The following CORO7 variants were observed in gnomAD, a reference collection of about 807,000 sequenced individuals.
The protein encoded by CORO7 is coronin-7.
Under a neutral mutation model 126.6 loss-of-function variants are expected in CORO7, and 107 were observed. That is an observed-to-expected ratio of 0.85 (90% confidence interval 0.72 to 0.99). The LOEUF (loss-of-function observed/expected upper bound fraction) is 0.99. Ranked by LOEUF, CORO7 falls within the 50% of genes least tolerant of loss-of-function variation. The probability of loss-of-function intolerance (pLI) is 0.00; values close to 1 mark genes in which losing one functional copy is unlikely to be tolerated. For missense variants in CORO7, 1,314 were observed against 1,255.8 expected, an observed-to-expected ratio of 1.05 and a Z score of -0.70; for synonymous variants, 603 against 536.8, an observed-to-expected ratio of 1.12 and a Z score of -1.70.
intron 10 of CORO7, 66 bp downstream of exon 10, chr16:4,365,425 T>C (rs1370840600): frequency 6.5e-6 from 10 of 1,547,066 alleles, no homozygotes; most frequent in South Asian, 2.4e-5. Flanking sequence ...CTCCTCTCTC[T>C]TGGGGAAGGC....
chr16:4,381,541 G>T, intron 9 of CORO7: 1 of 1,604,846 alleles, frequency 6.2e-7, no homozygotes, highest in Admixed American at 1.7e-5. Context: ...CCACGACCTG[G>T]ATGTGTCCGA....
At chr16:4,406,950 T>C (rs2056021420) in intron 5 of CORO7, among the ~76,000 whole-genome samples, 1 of 140,096 alleles carries the variant, frequency 7.1e-6, no homozygotes, top group Non-Finnish European at 1.5e-5. Flanking sequence ...AAGTTATTTT[T>C]TATTTTTATT....
intron 9 of CORO7, among the ~76,000 whole-genome samples, chr16:4,377,685 A>T (rs1053112700): frequency 2.0e-5 from 3 of 152,140 alleles, no homozygotes; most frequent in Non-Finnish European, 2.9e-5. Context: ...TCTCAGTGCC[A>T]GGAGTCCCTG....
intron 7 of CORO7, among the ~76,000 whole-genome samples, chr16:4,391,495 G>A (rs527965645): frequency 3.3e-5 from 5 of 152,272 alleles, no homozygotes; most frequent in South Asian, 2.1e-4. Context: ...GGTGGAGCTC[G>A]CAGTGAGCCG....
chr16:4,365,167 C>G (rs1287423172), intron 10 of CORO7, 107 bp from the exon 11 acceptor site: 1 of 1,489,422 alleles, frequency 6.7e-7, no homozygotes, highest in Admixed American at 2.0e-5. Flanking sequence ...GCCACAGAAC[C>G]ACAGTGGCTG....
intron 9 of CORO7, among the ~76,000 whole-genome samples, chr16:4,366,038 C>T (rs2054335865): frequency 6.6e-6 from 1 of 152,190 alleles, no homozygotes; most frequent in Admixed American, 6.5e-5. Flanking sequence ...GGTTTGGGGC[C>T]CTCTACTCAG....
At chr16:4,391,624 G>C (rs2055393517) in intron 7 of CORO7, among the ~76,000 whole-genome samples, 1 of 152,236 alleles carries the variant, frequency 6.6e-6, no homozygotes, top group South Asian at 2.1e-4. Flanking sequence ...CCAGCTACCA[G>C]GGAGGCTGAC....
intron 9 of CORO7, chr16:4,382,335 G>A: frequency 6.2e-7 from 1 of 1,611,462 alleles, no homozygotes. Flanking sequence ...ACCTCCAGGG[G>A]AGCTCCGTGC....
At chr16:4,407,908 G>A (rs2056065851) in intron 4 of CORO7, among the ~76,000 whole-genome samples, 2 of 152,188 alleles carry the variant, frequency 1.3e-5, no homozygotes, top group Non-Finnish European at 1.5e-5. Flanking sequence ...AGACCACACG[G>A]TGTGGTCCCA....
At chr16:4,383,104 G>C in intron 9 of CORO7, 1 of 597,010 alleles carries the variant, frequency 1.7e-6, no homozygotes, top group Non-Finnish European at 2.8e-6. Context: ...GAGCCCTAAC[G>C]TCCCCAGAAC....
intron 1 of CORO7, 72 bp from the exon 2 acceptor site, chr16:4,413,476 G>C (rs1321970297): frequency 7.0e-7 from 1 of 1,421,504 alleles, no homozygotes; most frequent in Non-Finnish European, 9.6e-7. Context: ...AAAGCAAGAG[G>C]TGGGGCATAA....
At chr16:4,357,299 G>T (rs181763352) in intron 25 of CORO7, 40 bp from the exon 26 acceptor site, 2 of 1,551,352 alleles carry the variant, frequency 1.3e-6, no homozygotes, top group South Asian at 1.2e-5. Context: ...AGTCCCCTTC[G>T]TTAGGGCTCT....
At chr16:4,415,900 A>G (rs963126908) in intron 1 of CORO7, 2 of 985,772 alleles carry the variant, frequency 2.0e-6, no homozygotes, top group Non-Finnish European at 2.4e-6. Context: ...AGATAAAGAA[A>G]GAGCTTGCGC....
In CORO7 at chr16:4,412,365, A is replaced by G. The variant is rs2056243830; in HGVS notation, c.223T>C (p.Cys75Arg). The change falls in exon 3 of 28, where the codon TGC (cysteine) becomes CGC (arginine). Residue 75 changes from cysteine (C) to arginine (R), a missense_variant. Physicochemically the swap from Cys to Arg is radical, Grantham distance 180. Transcript: ENST00000251166. ...EDKRRVAHLG[C>R]HSDLVTDLDF... is the part of the protein sequence containing the mutation. ...TCAGACACCCACTCACCTGAATGGC[A>G]GCCCAGGTGGGCCACGCGTCGCTTG... is the stretch of plus-strand genomic sequence containing the variant. The G allele has an allele frequency of 6.2e-7, 1 of 1,614,068 alleles. No individual in the cohort carries two copies. Among genetic ancestry groups the G allele is most frequent in the Non-Finnish European group, 8.5e-7 (1 of 1,180,028 alleles).
At chr16:4,370,762 G>T (rs939535633) in intron 9 of CORO7, among the ~76,000 whole-genome samples, 3 of 152,146 alleles carry the variant, frequency 2.0e-5, no homozygotes, top group African/African-American at 7.2e-5. Flanking sequence ...GTCCTCCAGA[G>T]ACTAGGAAAC....
At chr16:4,412,613 G>GCCCC (rs2056253885) in intron 2 of CORO7, 183 bp from the exon 3 acceptor site, 1 of 618,298 alleles carries the variant, frequency 1.6e-6, no homozygotes, top group African/African-American at 1.8e-5. Context: ...CCCCATGCAT[G>GCCCC]AGCCATCCAT....
chr16:4,370,726 C>A (rs1042175184), intron 9 of CORO7, among the ~76,000 whole-genome samples: 1 of 152,224 alleles, frequency 6.6e-6, no homozygotes, highest in Non-Finnish European at 1.5e-5. Flanking sequence ...GACACAGAGG[C>A]CATCCTGCCT....
rs763232660 is a variant in CORO7, at chr16:4,358,409, C to T, written c.2415G>A (p.Gln805=). 4.3e-6 allele frequency: 7 copies of T among 1,612,646 alleles called. No individual in the cohort carries two copies. In the East Asian group the frequency reaches 6.7e-5, roughly 15 times the overall value. The change falls in exon 24 of 28, where the codon CAG becomes CAA. Residue 805 remains glutamine, a synonymous_variant. Coordinates refer to ENST00000251166, the MANE Select transcript of CORO7 (RefSeq NM_024535.5). ...VELMRCLRLR[Q]SSLEPVAFRL... ...GGAAGGCCACAGGCTCCAGGGAGGA[C>T]TGACGCAGCCGCAGGCACCGCATCA... is the stretch of plus-strand genomic sequence containing the variant.
chr16:4,415,088 G>A (rs746328087), intron 1 of CORO7, among the ~76,000 whole-genome samples: 3 of 151,844 alleles, frequency 2.0e-5, no homozygotes, highest in East Asian at 1.9e-4. Context: ...GGCTGGTCTC[G>A]AACTCCTGAG....
Sources: allele counts gnomAD v4.1 joint callset (sites outside exome capture counted in the v4.1 genomes callset), GRCh38; gene constraint gnomAD v4.1.1; transcripts MANE v1.5; gene names NCBI Gene and HGNC (gene_info 2026-07-23, HGNC 2026-07-21).